Variants in GRID2 observed in about 807,000 individuals in gnomAD.
GRID2 encodes the protein glutamate ionotropic receptor delta type subunit 2.
In GRID2, 33 loss-of-function variants were observed where a neutral mutation model predicts 114.8. The observed-to-expected ratio is 0.29, with a 90% CI of 0.22 to 0.38. The LOEUF (loss-of-function observed/expected upper bound fraction) is 0.38. GRID2 is among the 10% of genes least tolerant of loss of function. GRID2 has a pLI of 1.00. For synonymous variants in GRID2, 505 were observed against 449.9 expected (o/e 1.12, Z -1.55); for missense variants, 1,184 against 1,257.7 (o/e 0.94, Z 0.89).
At chr4:93,200,294 C>T (rs1560977444) in intron 4 of GRID2, among the ~76,000 whole-genome samples, 2 of 152,126 alleles carry the variant, frequency 1.3e-5, no homozygotes, top group African/African-American at 2.4e-5. Flanking sequence ...AGGCCGGGTG[C>T]GGTGGCTCAC....
chr4:92,393,086 A>T (rs953646599), intron 1 of GRID2, among the ~76,000 whole-genome samples: 1 of 152,150 alleles, frequency 6.6e-6, no homozygotes, highest in Non-Finnish European at 1.5e-5. Flanking sequence ...CGGGCACTTC[A>T]CATGGTGAAA....
At chr4:92,638,496 T>TA (rs1298081450) in intron 2 of GRID2, among the ~76,000 whole-genome samples, 1 of 147,746 alleles carries the variant, frequency 6.8e-6, no homozygotes, top group Non-Finnish European at 1.5e-5. Context: ...AAATAAAATT[T>TA]TATATATATA....
intron 2 of GRID2, among the ~76,000 whole-genome samples, chr4:93,054,231 A>G (rs949069643): frequency 1.3e-5 from 2 of 151,972 alleles, no homozygotes; most frequent in Non-Finnish European, 2.9e-5. Flanking sequence ...ACTATGAAAA[A>G]AATTTTAATA....
intron 2 of GRID2, among the ~76,000 whole-genome samples, chr4:92,634,543 C>G (rs1381455376): frequency 1.3e-5 from 2 of 151,868 alleles, no homozygotes; most frequent in Non-Finnish European, 2.9e-5. Context: ...ACACACACTT[C>G]CAGAAAAAAA....
intron 2 of GRID2, among the ~76,000 whole-genome samples, chr4:92,723,580 A>G (rs1735915214): frequency 1.3e-5 from 2 of 152,240 alleles, no homozygotes; most frequent in East Asian, 1.9e-4. Flanking sequence ...TATCTAATCA[A>G]TCTGTACTTT....
At chr4:93,109,148 A>G (rs1410673678) in intron 3 of GRID2, among the ~76,000 whole-genome samples, 1 of 152,190 alleles carries the variant, frequency 6.6e-6, no homozygotes, top group Non-Finnish European at 1.5e-5. Flanking sequence ...CTTTATGTAC[A>G]TTCTGACTTG....
At chr4:93,560,237 A>C (rs1734780827) in intron 13 of GRID2, among the ~76,000 whole-genome samples, 4 of 149,900 alleles carry the variant, frequency 2.7e-5, no homozygotes, top group Admixed American at 2.7e-4. Flanking sequence ...AAAAAAAAAA[A>C]AAAAAAAAAA....
At chr4:93,216,119 A>C (rs1744178041) in intron 5 of GRID2, among the ~76,000 whole-genome samples, 1 of 152,122 alleles carries the variant, frequency 6.6e-6, no homozygotes, top group African/African-American at 2.4e-5. Flanking sequence ...ATTGTATTAA[A>C]CAACAGAATT....
chr4:92,374,208 A>C (rs1287903673), intron 1 of GRID2, among the ~76,000 whole-genome samples: 1 of 152,114 alleles, frequency 6.6e-6, no homozygotes, highest in Non-Finnish European at 1.5e-5. Context: ...GATAAGAAAC[A>C]TTTTACAACT....
intron 13 of GRID2, among the ~76,000 whole-genome samples, chr4:93,605,400 T>A (rs1001308459): frequency 6.6e-6 from 1 of 152,186 alleles, no homozygotes; most frequent in Non-Finnish European, 1.5e-5. Flanking sequence ...TTTGAATCTT[T>A]TGGTATCTAT....
Position 93,336,021 on chromosome 4 carries a change from C to T in GRID2, c.1246-59586C>T, listed in dbSNP as rs866151949. Reference sequence around the variant, plus strand: ...TATCAAAGTAATTTTTTCTCTAAAACATTTCAAAAATATAGACAATTACAA... The same window carrying T: ...TATCAAAGTAATTTTTTCTCTAAAATATTTCAAAAATATAGACAATTACAA... On this transcript the variant is annotated intron_variant, in intron 8 of 15. Coordinates refer to ENST00000282020, the MANE Select transcript of GRID2 (RefSeq NM_001510.4). Among the ~76,000 whole-genome samples, 9 of 152,226 alleles carry T rather than the reference C, an allele frequency of 5.9e-5. No homozygotes were observed. In the Middle Eastern group the frequency reaches 0.01, roughly 173 times the overall value.
intron 13 of GRID2, among the ~76,000 whole-genome samples, chr4:93,547,672 G>T (rs751529056): frequency 6.6e-6 from 1 of 152,152 alleles, no homozygotes; most frequent in Non-Finnish European, 1.5e-5. Context: ...CGTGAAGTTT[G>T]TGAGAGCCTT....
intron 1 of GRID2, among the ~76,000 whole-genome samples, chr4:92,431,459 AT>A (rs1453517342): frequency 3.3e-5 from 5 of 152,240 alleles, no homozygotes; most frequent in African/African-American, 1.2e-4. Flanking sequence ...CCATTTGGTC[AT>A]GATAAATGAT....
At chr4:92,516,524 G>C (rs746109961) in intron 1 of GRID2, among the ~76,000 whole-genome samples, 2 of 151,782 alleles carry the variant, frequency 1.3e-5, no homozygotes, top group Non-Finnish European at 2.9e-5. Context: ...TATCAGATTG[G>C]AAGAAAGCCC....
At chr4:93,038,331 A>C (rs974885432) in intron 2 of GRID2, among the ~76,000 whole-genome samples, 3 of 152,142 alleles carry the variant, frequency 2.0e-5, no homozygotes, top group Non-Finnish European at 4.4e-5. Flanking sequence ...AAACAACCCC[A>C]TCAAAAAGTG....
At chr4:93,319,297 G>A (rs747141711) in intron 8 of GRID2, among the ~76,000 whole-genome samples, 1 of 152,078 alleles carries the variant, frequency 6.6e-6, no homozygotes, top group Non-Finnish European at 1.5e-5. Flanking sequence ...ATAAGAATTT[G>A]GGTGCAGAGA....
chr4:92,868,551 C>T (rs1192344687), intron 2 of GRID2, among the ~76,000 whole-genome samples: 1 of 152,120 alleles, frequency 6.6e-6, no homozygotes, highest in Admixed American at 6.5e-5. Context: ...GTAGGCTATT[C>T]TTTCTCCTTT....
At chr4:92,547,041 C>A (rs1055023895) in intron 1 of GRID2, among the ~76,000 whole-genome samples, 1 of 152,138 alleles carries the variant, frequency 6.6e-6, no homozygotes, top group Non-Finnish European at 1.5e-5. Context: ...TTAAGTCTTA[C>A]TCTTGTATCC....
intron 2 of GRID2, among the ~76,000 whole-genome samples, chr4:92,853,793 G>A (rs756320163): frequency 2.0e-5 from 3 of 151,862 alleles, no homozygotes; most frequent in South Asian, 4.1e-4. Flanking sequence ...TAAACATTGA[G>A]TACACATGTA....
Sources: gnomAD v4.1 joint callset for allele counts (sites outside exome capture counted in the v4.1 genomes callset) on GRCh38, gnomAD v4.1.1 for gene constraint, MANE v1.5 for transcripts, NCBI Gene and HGNC (gene_info 2026-07-23, HGNC 2026-07-21) for gene names.